The following ZNF765 variants were observed in gnomAD, a reference collection of about 807,000 sequenced individuals.
The protein encoded by ZNF765 is zinc finger protein 765.
A neutral mutation model predicts 44.7 loss-of-function variants in ZNF765; 37 were observed. The ratio of observed to expected loss-of-function variants is 0.83; its 90% CI spans 0.64 to 1.09. The LOEUF (loss-of-function observed/expected upper bound fraction) is 1.09. Ranked by LOEUF, ZNF765 falls within the 50% of genes least tolerant of loss-of-function variation. ZNF765 has a pLI of 0.00. For synonymous variants in ZNF765, 201 were observed against 213.7 expected (o/e 0.94, Z 0.52); for missense variants, 594 against 626.1 (o/e 0.95, Z 0.55).
chr19:53,417,947 C>G (rs2085884814), intron 3 of ZNF765, among the ~76,000 whole-genome samples: 1 of 152,148 alleles, frequency 6.6e-6, no homozygotes, highest in Non-Finnish European at 1.5e-5. Context: ...TACCAGAGCT[C>G]AGTATTTCCT....
chr19:53,413,993 C>A (rs943693347), downstream of ZNF765, among the ~76,000 whole-genome samples: 1 of 149,974 alleles, frequency 6.7e-6, no homozygotes, highest in Non-Finnish European at 1.5e-5. Context: ...CTAATCCCAC[C>A]ACGTTGGGAG....
At chr19:53,424,109 A>G (rs1568790808) in exon 4 of ZNF765, 1 of 152,156 alleles carries the variant, frequency 6.6e-6, no homozygotes, top group Non-Finnish European at 1.5e-5. Flanking sequence ...CCTTCAGCCA[A>G]CATCCATAAA....
chr19:53,405,047 A>T (rs1210348640), intron 3 of ZNF765, among the ~76,000 whole-genome samples: 1 of 152,058 alleles, frequency 6.6e-6, no homozygotes, highest in Non-Finnish European at 1.5e-5. Context: ...GTGAAACCTC[A>T]AATCTACTAA....
rs35520888 is a variant in ZNF765 at position 53,400,763 on chromosome 19, C to CATAT, written c.16-1284_16-1281dup. Among the ~76,000 whole-genome samples, 390 of 116,808 alleles carry CATAT rather than the reference C, an allele frequency of 3.3e-3. 11 individuals carry two copies. Among genetic ancestry groups the CATAT allele is most frequent in the African/African-American group, 0.012 (352 of 30,312 alleles). The allele number at this position is 116,808 out of a possible 152,430, so 76.6% of individuals were successfully genotyped here. On this transcript the variant is annotated intron_variant, in intron 2 of 3. Transcript: ENST00000396408. Reference sequence around the variant, plus strand: ...CTGTGTAGGTTTCATTATTTGTTGACATATATATATATATATATATACACA... The same window carrying CATAT: ...CTGTGTAGGTTTCATTATTTGTTGACATATATATATATATATATATATATACACA...
At chr19:53,415,866 A>G (rs960966369), downstream of ZNF765, among the ~76,000 whole-genome samples, 6 of 152,128 alleles carry the variant, frequency 3.9e-5, no homozygotes, top group African/African-American at 1.4e-4. Flanking sequence ...TTCCTCCACT[A>G]TTGCATCTCT....
intron 1 of ZNF765, among the ~76,000 whole-genome samples, chr19:53,396,637 T>C (rs1184014175): frequency 6.6e-6 from 1 of 152,204 alleles, no homozygotes; most frequent in Non-Finnish European, 1.5e-5. Context: ...GCTCATTCCT[T>C]TGGCTTCAGC....
intron 3 of ZNF765, among the ~76,000 whole-genome samples, chr19:53,420,228 A>T (rs971331871): frequency 1.3e-5 from 2 of 151,396 alleles, no homozygotes; most frequent in African/African-American, 4.9e-5. Context: ...GCTACTCAGG[A>T]GGCTGAGGCA....
intron 2 of ZNF765, among the ~76,000 whole-genome samples, chr19:53,401,455 C>T (rs564667695): frequency 9.2e-5 from 14 of 151,450 alleles, no homozygotes; most frequent in South Asian, 4.2e-4. Flanking sequence ...CCCAGCTACT[C>T]GGGAGGCTGA....
At chr19:53,404,297 A>G (rs2085755555) in intron 3 of ZNF765, among the ~76,000 whole-genome samples, 1 of 151,998 alleles carries the variant, frequency 6.6e-6, no homozygotes, top group Non-Finnish European at 1.5e-5. Flanking sequence ...GCTGGTCTCG[A>G]ACCCCTGCCC....
intron 3 of ZNF765, among the ~76,000 whole-genome samples, chr19:53,405,171 T>G (rs1230152930): frequency 4.6e-5 from 7 of 151,988 alleles, no homozygotes; most frequent in African/African-American, 7.2e-5. Flanking sequence ...GGCCAACATG[T>G]TGAAACCCCG....
chr19:53,397,724 G>A (rs2085684775), intron 1 of ZNF765, among the ~76,000 whole-genome samples: 1 of 151,914 alleles, frequency 6.6e-6, no homozygotes, highest in African/African-American at 2.4e-5. Flanking sequence ...CCCTAAAGGG[G>A]AGCTCATCCC....
downstream of ZNF765, among the ~76,000 whole-genome samples, chr19:53,414,491 C>CACACACACACACACACA (rs1568786159): frequency 6.4e-5 from 1 of 15,580 alleles, no homozygotes; most frequent in African/African-American, 2.8e-4. Flanking sequence ...ACACACACAC[C>CACACACACACACACACA]CCCCCCCCCC....
chr19:53,425,985 T>A (rs1190183276), exon 4 of ZNF765: 1 of 152,322 alleles, frequency 6.6e-6, no homozygotes, highest in Non-Finnish European at 1.5e-5. Context: ...GTCTGTGTCT[T>A]TATTTATTAC....
exon 4 of ZNF765, chr19:53,426,421 TG>T (rs1255920096): frequency 6.6e-6 from 1 of 151,942 alleles, no homozygotes; most frequent in Non-Finnish European, 1.5e-5. Context: ...GCTCTTAAGT[TG>T]GGCATCATGG....
downstream of ZNF765, among the ~76,000 whole-genome samples, chr19:53,414,425 A>G (rs2085857691): frequency 1.4e-5 from 1 of 70,480 alleles, no homozygotes; most frequent in African/African-American, 4.4e-5. Flanking sequence ...GGATGGACTG[A>G]CCCTCCCCAC....
exon 4 of ZNF765, chr19:53,423,898 A>T (rs1369479020): frequency 6.3e-6 from 1 of 157,658 alleles, no homozygotes; most frequent in Non-Finnish European, 1.4e-5. Flanking sequence ...CTCTGTGGAA[A>T]AAGTGGAATC....
chr19:53,408,759 C>G lies in ZNF765; in HGVS notation c.1204C>G (p.Arg402Gly). Residue 402 changes from arginine (R) to glycine (G), a missense_variant, in exon 4 of 4, where the codon CGT becomes GGT. Transcript: ENST00000396408. ...FSHKSSLTYH[R>G]RLHTEEKPYK... ...TCACAAGTCATCTCTTACATACCAT[C>G]GTAGACTTCATACTGAAGAGAAACC... The G allele has an allele frequency of 1.9e-6, 3 of 1,613,128 alleles. No homozygotes were observed. Among genetic ancestry groups the G allele is most frequent in the Non-Finnish European group, 2.5e-6 (3 of 1,179,726 alleles).
At chr19:53,415,054 C>T (rs1178215728), downstream of ZNF765, among the ~76,000 whole-genome samples, 1 of 152,108 alleles carries the variant, frequency 6.6e-6, no homozygotes, top group Non-Finnish European at 1.5e-5. Context: ...GGCAGATCAC[C>T]TGAGGTCGGG....
downstream of ZNF765, among the ~76,000 whole-genome samples, chr19:53,413,841 A>G (rs1004131302): frequency 6.6e-6 from 1 of 150,632 alleles, no homozygotes; most frequent in Admixed American, 6.7e-5. Flanking sequence ...GAAAATAAAA[A>G]TTACTAAGCC....
Sources: allele counts gnomAD v4.1 joint callset (sites outside exome capture counted in the v4.1 genomes callset), GRCh38; gene constraint gnomAD v4.1.1; transcripts MANE v1.5; gene names NCBI Gene and HGNC (gene_info 2026-07-23, HGNC 2026-07-21).